The following JAK2 variants were observed in gnomAD, a reference collection of about 807,000 sequenced individuals.
JAK2 encodes tyrosine-protein kinase JAK2.
A neutral mutation model predicts 139.3 loss-of-function variants in JAK2; 86 were observed. That is an observed-to-expected ratio of 0.62 (90% CI 0.52 to 0.74). The LOEUF is 0.74. Among genes scored for constraint, JAK2 ranks in the 30% least tolerant of loss-of-function variants. The pLI is 0.00. For missense variants in JAK2, 1,421 were observed against 1,360.3 expected, an observed-to-expected ratio of 1.04 and a Z score of -0.70; for synonymous variants, 490 against 437.7, an observed-to-expected ratio of 1.12 and a Z score of -1.49.
chr9:5,126,646 A>C, intron 24 of JAK2, 38 bp from the exon 25 acceptor site: 1 of 1,380,198 alleles, frequency 7.2e-7, no homozygotes, highest in South Asian at 1.2e-5. Flanking sequence ...GATGGCCCTT[A>C]GTGTTCATTT....
At chr9:5,104,526 T>C (rs759725042) in intron 22 of JAK2, among the ~76,000 whole-genome samples, 5 of 152,014 alleles carry the variant, frequency 3.3e-5, no homozygotes, top group Non-Finnish European at 7.4e-5. Context: ...TTCCAATCAA[T>C]GGAAAAAGAG....
At chr9:5,033,870 G>C (rs1208577715) in intron 4 of JAK2, among the ~76,000 whole-genome samples, 1 of 152,116 alleles carries the variant, frequency 6.6e-6, no homozygotes, top group Non-Finnish European at 1.5e-5. Flanking sequence ...ATAAAGACCG[G>C]ATCAAATTCA....
chr9:5,051,310 G>T (rs1209589841), intron 6 of JAK2, among the ~76,000 whole-genome samples: 2 of 152,046 alleles, frequency 1.3e-5, no homozygotes, highest in African/African-American at 4.8e-5. Flanking sequence ...AAGTTCAGAG[G>T]AACAGAAGAA....
At position 5,050,831 on chromosome 9, in the gene JAK2, G is replaced by A; in HGVS notation, c.614G>A (p.Ser205Asn). ...QTPLAIYNSI[S>N]YKTFLPKCIR... ...CCACTGGCCATCTATAACTCTATCAGGTAATTTTCTTTTGCAAATCCTTAC... is the reference window on the plus strand; with the variant it reads ...CCACTGGCCATCTATAACTCTATCAAGTAATTTTCTTTTGCAAATCCTTAC... The change falls in exon 6 of 25, where the codon AGC (serine) becomes AAC (asparagine). Residue 205 changes from serine to asparagine, a missense_variant and splice_region_variant. Coordinates refer to ENST00000381652, the MANE Select transcript of JAK2 (RefSeq NM_004972.4). 1 of 1,612,416 alleles carries A rather than the reference G, an allele frequency of 6.2e-7. No homozygotes were observed. The highest frequency in any genetic ancestry group is 8.5e-7 in the Non-Finnish European group (1 of 1,178,978).
chr9:5,021,834 T>C, intron 2 of JAK2, 129 bp from the exon 3 acceptor site: 1 of 601,300 alleles, frequency 1.7e-6, no homozygotes. Flanking sequence ...GGTTTCACCA[T>C]GTTGCTGAGG....
chr9:5,126,342 C>T lies in JAK2; in HGVS notation c.3187C>T (p.Arg1063Cys), dbSNP rs746602942. 19 of 1,597,276 alleles carry T rather than the reference C, an allele frequency of 1.2e-5. No homozygotes were observed. The Admixed American group carries it at 1.2e-4, about 10-fold the overall frequency. Reference sequence around the variant, plus strand: ...AGTGGGTTTGTTTTAGGAATTTATGCGTATGATTGGCAATGACAAACAAGG... The same window carrying T: ...AGTGGGTTTGTTTTAGGAATTTATGTGTATGATTGGCAATGACAAACAAGG... ...KSKSPPAEFM[R>C]MIGNDKQGQM... Residue 1063 changes from arginine (R) to cysteine (C), a missense_variant, in exon 24 of 25, where the codon CGT becomes TGT. By Grantham distance (180) the Arg-to-Cys change is radical. Transcript: ENST00000381652.
In JAK2 at chr9:5,096,339, C is replaced by T. The variant is rs562443563; in HGVS notation, c.3059+5428C>T. Among the ~76,000 whole-genome samples, 60 of 152,034 alleles carry T rather than the reference C, an allele frequency of 3.9e-4. 1 individual carries two copies. The highest frequency in any genetic ancestry group is 1.3e-4 in the Non-Finnish European group (9 of 68,008). ...ATTATACTTAATTTCTGTAACAAAC[C>T]CAAGGACTGCAAAACTCTATTCTGC... On this transcript the variant is annotated intron_variant, in intron 22 of 24. Coordinates refer to ENST00000381652, the MANE Select transcript of JAK2 (RefSeq NM_004972.4).
chr9:5,061,674 C>T (rs1818183003), intron 8 of JAK2, among the ~76,000 whole-genome samples: 2 of 152,202 alleles, frequency 1.3e-5, no homozygotes, highest in African/African-American at 4.8e-5. Context: ...ATCAATAAGG[C>T]TGTTCACTTT....
chr9:5,080,724 T>C (rs1179224871), intron 18 of JAK2, 41 bp downstream of exon 18: 3 of 1,429,456 alleles, frequency 2.1e-6, no homozygotes, highest in East Asian at 2.4e-5. Context: ...CAGCTTTCTA[T>C]CTTTATTGTA....
chr9:5,078,504 G>A (rs1819464868), intron 16 of JAK2, 60 bp downstream of exon 16: 1 of 1,310,674 alleles, frequency 7.6e-7, no homozygotes, highest in Non-Finnish European at 1.1e-6. Context: ...GTGGTGTAAA[G>A]GGCATGTTGT....
intron 14 of JAK2, among the ~76,000 whole-genome samples, chr9:5,076,895 T>C (rs1409588640): frequency 6.6e-6 from 1 of 152,132 alleles, no homozygotes; most frequent in Non-Finnish European, 1.5e-5. Flanking sequence ...AGGATTGTTT[T>C]TGGAAGCCAA....
At chr9:5,021,124 G>A (rs1822398019) in intron 2 of JAK2, among the ~76,000 whole-genome samples, 1 of 152,162 alleles carries the variant, frequency 6.6e-6, no homozygotes, top group Non-Finnish European at 1.5e-5. Flanking sequence ...CCCACATTGT[G>A]CAGGCTCTCT....
At chr9:5,115,161 G>C (rs1225980163) in intron 22 of JAK2, among the ~76,000 whole-genome samples, 5 of 152,026 alleles carry the variant, frequency 3.3e-5, no homozygotes, top group Admixed American at 2.6e-4. Context: ...TTGCAATCTA[G>C]CCACCTGACA....
chr9:5,125,050 C>T (rs1482071694), intron 23 of JAK2, among the ~76,000 whole-genome samples: 1 of 150,976 alleles, frequency 6.6e-6, no homozygotes, highest in Non-Finnish European at 1.5e-5. Context: ...TAAAATAAAC[C>T]TTCCAAAGTA....
At chr9:5,066,892 C>T (rs1205711146) in intron 10 of JAK2, 103 bp downstream of exon 10, 1 of 466,140 alleles carries the variant, frequency 2.1e-6, no homozygotes, top group Non-Finnish European at 3.6e-6. Context: ...AGAATTATAG[C>T]TTTGGATATG....
intron 14 of JAK2, 25 bp downstream of exon 14, chr9:5,073,810 A>C (rs2130557687): frequency 7.0e-7 from 1 of 1,419,626 alleles, no homozygotes; most frequent in South Asian, 1.2e-5. Context: ...AGGCTTTCTA[A>C]TGCCTTTCTC....
intron 22 of JAK2, among the ~76,000 whole-genome samples, chr9:5,106,651 A>G (rs1215318128): frequency 1.3e-5 from 2 of 152,252 alleles, no homozygotes; most frequent in Non-Finnish European, 2.9e-5. Context: ...GAACCAACCC[A>G]AATGCCCATC....
intron 22 of JAK2, among the ~76,000 whole-genome samples, chr9:5,116,730 C>G (rs1823212833): frequency 1.3e-5 from 2 of 152,116 alleles, no homozygotes; most frequent in Non-Finnish European, 2.9e-5. Flanking sequence ...AGGACTGTCC[C>G]TTAGTAGAAA....
intron 22 of JAK2, among the ~76,000 whole-genome samples, chr9:5,117,944 GA>G (rs1228999673): frequency 6.6e-6 from 1 of 152,128 alleles, no homozygotes; most frequent in Non-Finnish European, 1.5e-5. Context: ...AAAGAATTTA[GA>G]AAAACCACAT....
Sources: gnomAD v4.1 joint callset for allele counts (sites outside exome capture counted in the v4.1 genomes callset) on GRCh38, gnomAD v4.1.1 for gene constraint, MANE v1.5 for transcripts, NCBI Gene and HGNC (gene_info 2026-07-23, HGNC 2026-07-21) for gene names.